Variants in TTYH2 observed in about 807,000 individuals in gnomAD.
TTYH2 encodes the protein protein tweety homolog 2.
In TTYH2, 49 loss-of-function variants were observed where a neutral mutation model predicts 68.3. That is an observed-to-expected ratio of 0.72 (90% CI 0.57 to 0.91). The LOEUF (loss-of-function observed/expected upper bound fraction) is 0.91. Among genes scored for constraint, TTYH2 ranks in the 40% least tolerant of loss-of-function variants. The pLI, the probability that TTYH2 is intolerant of heterozygous loss-of-function variation, is 0.00. For synonymous variants in TTYH2, 272 were observed against 300.8 expected, an observed-to-expected ratio of 0.90 and a Z score of 0.99; for missense variants, 631 against 700.4, an observed-to-expected ratio of 0.90 and a Z score of 1.12.
chr17:74,219,986 TG>T (rs2143715337), intron 1 of TTYH2, among the ~76,000 whole-genome samples: 1 of 151,060 alleles, frequency 6.6e-6, no homozygotes, highest in African/African-American at 2.4e-5. Context: ...TTGGCTTGGT[TG>T]GGGTTTTTTT....
At position 74,261,159 on chromosome 17, in the gene TTYH2, G is replaced by A. The variant is rs2050746806; in HGVS notation, c.*950G>A. 6.6e-6 allele frequency: 1 copy of A among 152,550 alleles called. No homozygotes were observed. The highest frequency in any genetic ancestry group is 2.1e-4 in the South Asian group (1 of 4,832). The allele number at this position is 152,550 out of a possible 1,614,324, so 9.4% of individuals were successfully genotyped here. On this transcript the variant is annotated 3_prime_UTR_variant, in exon 14 of 14. Coordinates refer to ENST00000269346, the MANE Select transcript of TTYH2 (RefSeq NM_032646.6). ...TGCAGATTTTGCTGGCACTGATCTG[G>A]AGATCTGCAGATCTGGAGGAGACGG...
chr17:74,237,266 A>G (rs1466597880), intron 3 of TTYH2, 28 bp from the exon 4 acceptor site: 2 of 1,609,986 alleles, frequency 1.2e-6, no homozygotes, highest in South Asian at 2.2e-5. Context: ...CTCTACCTCC[A>G]TGGCTTTTGC....
At chr17:74,244,542 C>T (rs34343985) in intron 6 of TTYH2, among the ~76,000 whole-genome samples, 61,630 of 151,832 alleles carry the variant, frequency 0.41, 13,190 homozygotes, top group African/African-American at 0.53. Context: ...CCAGGACTCC[C>T]GCGGTCTGAA....
Position 74,260,314 on chromosome 17 carries a change from A to G in TTYH2, c.*105A>G. The G allele has an allele frequency of 3.3e-6, 4 of 1,203,846 alleles. No homozygotes were observed. Among genetic ancestry groups the G allele is most frequent in the Non-Finnish European group, 4.8e-6 (4 of 827,054 alleles). 74.6% of individuals were successfully genotyped at this position (1,203,846 alleles called of 1,614,324 possible). A position where few individuals can be genotyped will look rare whatever the true frequency, so the allele number is the denominator to read the frequency against. Reference sequence around the variant, plus strand: ...AAACCAAAGGCATCTGGAGCCCGAGAGGCCTCCTGCTGTGGCAGAGGAGCA... The same window carrying G: ...AAACCAAAGGCATCTGGAGCCCGAGGGGCCTCCTGCTGTGGCAGAGGAGCA... On this transcript the variant is annotated 3_prime_UTR_variant, in exon 14 of 14. Transcript: ENST00000269346.
At chr17:74,230,778 G>A in intron 2 of TTYH2, 110 bp from the exon 3 acceptor site, 1 of 1,051,696 alleles carries the variant, frequency 9.5e-7, no homozygotes, top group Non-Finnish European at 1.4e-6. Flanking sequence ...CTGAGTAGCT[G>A]GGATTACAGG....
Position 74,261,196 on chromosome 17 carries a change from T to A in TTYH2, c.*987T>A, listed in dbSNP as rs1331566692. On this transcript the variant is annotated 3_prime_UTR_variant, in exon 14 of 14. Transcript: ENST00000269346. ...TCTGGAGGAGACGGGAAGGAGTCGATTCTTAAATAAGGATCAGTGAGGCAT... is the reference window on the plus strand; with the variant it reads ...TCTGGAGGAGACGGGAAGGAGTCGAATCTTAAATAAGGATCAGTGAGGCAT... 6.6e-6 allele frequency: 1 copy of A among 152,340 alleles called. No homozygotes were observed. The highest frequency in any genetic ancestry group is 6.6e-5 in the Admixed American group (1 of 15,266). The allele number at this position is 152,340 out of a possible 1,614,324, so 9.4% of individuals were successfully genotyped here.
chr17:74,218,809 C>T (rs1161497120), intron 1 of TTYH2, among the ~76,000 whole-genome samples: 1 of 152,150 alleles, frequency 6.6e-6, no homozygotes, highest in East Asian at 1.9e-4. Flanking sequence ...GCTTTTCCCA[C>T]TGGGGATAAA....
Position 74,241,585 on chromosome 17 carries a change from C to T in TTYH2, c.636-1789C>T, listed in dbSNP as rs2050501532. On this transcript the variant is annotated intron_variant, in intron 4 of 13. Transcript: ENST00000269346. This position sits in a 1 kb window ranked among gnomAD's most constrained non-coding sequence, Gnocchi z 4.1. ...GCCTCCAGCTTGCTCCCTCCCCTCT[C>T]TCCCTCGGAGCCTCTTTGCCACTTT... 6.6e-6 allele frequency among the ~76,000 whole-genome samples: 1 copy of T among 152,172 alleles called. No homozygotes were observed. Among genetic ancestry groups the T allele is most frequent in the Non-Finnish European group, 1.5e-5 (1 of 68,034 alleles).
At chr17:74,252,850 A>G (rs2050648910) in intron 11 of TTYH2, among the ~76,000 whole-genome samples, 1 of 152,158 alleles carries the variant, frequency 6.6e-6, no homozygotes, top group African/African-American at 2.4e-5. Flanking sequence ...GTGGGGACCC[A>G]CATGCGCATG....
At chr17:74,226,218 G>A (rs749314314) in intron 2 of TTYH2, among the ~76,000 whole-genome samples, 5 of 152,216 alleles carry the variant, frequency 3.3e-5, no homozygotes, top group Non-Finnish European at 7.3e-5. Context: ...GGCCAGTGTG[G>A]AAGTCACACA....
intron 2 of TTYH2, among the ~76,000 whole-genome samples, chr17:74,225,760 A>C (rs963099630): frequency 1.3e-5 from 2 of 151,944 alleles, no homozygotes; most frequent in Non-Finnish European, 2.9e-5. Context: ...TCCTACCAGC[A>C]CCTCCATCGG....
intron 4 of TTYH2, among the ~76,000 whole-genome samples, chr17:74,238,867 C>CA (rs56366411): frequency 1.4e-3 from 182 of 131,124 alleles, no homozygotes; most frequent in Middle Eastern, 8.1e-3. Flanking sequence ...AACTCCATCT[C>CA]AAAAAAAAAA....
chr17:74,214,229 C>T lies in TTYH2; in HGVS notation c.129+513C>T, dbSNP rs1243448612. Reference sequence around the variant, plus strand: ...CGGTCTTCGCAGCACCCCTCCTCCCCAGCCCCGGCCTGCAGGGTGGGAGTC... The same window carrying T: ...CGGTCTTCGCAGCACCCCTCCTCCCTAGCCCCGGCCTGCAGGGTGGGAGTC... On this transcript the variant is annotated intron_variant, in intron 1 of 13. Transcript: ENST00000269346. The surrounding 1 kb of genome is among the most constrained non-coding windows in gnomAD (Gnocchi z 4.6). Among the ~76,000 whole-genome samples the T allele has an allele frequency of 1.2e-4, 18 of 152,100 alleles. No individual in the cohort carries two copies. Among genetic ancestry groups the T allele is most frequent in the Admixed American group, 1.2e-3 (18 of 15,286 alleles).
chr17:74,237,718 C>T (rs749463352), intron 4 of TTYH2, among the ~76,000 whole-genome samples: 13 of 152,138 alleles, frequency 8.5e-5, no homozygotes, highest in Admixed American at 1.3e-4. Context: ...TCTCTACCTC[C>T]GGGGTTCAAG....
In TTYH2 at chr17:74,249,112, A is replaced by G. The variant is rs1453881202; in HGVS notation, c.874+32A>G. On this transcript the variant is annotated intron_variant, in intron 7 of 13. Transcript: ENST00000269346. The stretch of plus-strand genomic sequence containing the variant: ...ACACACTCTCAGGCTGCTGCTGTGG[A>G]TGCATAGGTGGCCGGACTCTGTGCC... 3.1e-6 allele frequency: 5 copies of G among 1,613,512 alleles called. 1 individual carries two copies. The South Asian group carries it at 3.3e-5, about 11-fold the overall frequency.
chr17:74,231,219 A>T (rs2050386312), intron 3 of TTYH2, among the ~76,000 whole-genome samples: 1 of 152,226 alleles, frequency 6.6e-6, no homozygotes, highest in African/African-American at 2.4e-5. Flanking sequence ...GGGGGTGAGG[A>T]CTAAAGGAGG....
intron 4 of TTYH2, among the ~76,000 whole-genome samples, chr17:74,240,527 G>A (rs550895229): frequency 6.6e-6 from 1 of 151,984 alleles, no homozygotes; most frequent in South Asian, 2.1e-4. Context: ...TCCTGTCTTT[G>A]CTTCCATCTG....
At chr17:74,223,848 G>A (rs1336329507) in intron 2 of TTYH2, among the ~76,000 whole-genome samples, 1 of 152,156 alleles carries the variant, frequency 6.6e-6, no homozygotes, top group Non-Finnish European at 1.5e-5. Flanking sequence ...TTGCCACTGC[G>A]AGTTTCTTCT....
chr17:74,213,672 C>G lies in TTYH2; in HGVS notation c.85C>G (p.Pro29Ala). Residue 29 changes from proline to alanine, a missense_variant, in exon 1 of 14, where the codon CCC becomes GCC. Coordinates refer to ENST00000269346, the MANE Select transcript of TTYH2 (RefSeq NM_032646.6). This position sits in a 1 kb window ranked among gnomAD's most constrained non-coding sequence, Gnocchi z 6.1. ...CCCGCACGTCGGCCTGCGCCTGCAG[C>G]CCGTGAACAGCACCTTCAGCCCCGG... ...SVPHVGLRLQ[P>A]VNSTFSPGDE... 7 of 1,612,694 alleles carry G rather than the reference C, an allele frequency of 4.3e-6. No individual in the cohort carries two copies. Among genetic ancestry groups the G allele is most frequent in the African/African-American group, 1.3e-5 (1 of 74,968 alleles).
Sources: allele counts gnomAD v4.1 joint callset (sites outside exome capture counted in the v4.1 genomes callset), GRCh38; gene constraint gnomAD v4.1.1; non-coding constraint Gnocchi (gnomAD v3.1); transcripts MANE v1.5; gene names NCBI Gene and HGNC (gene_info 2026-07-23, HGNC 2026-07-21).